PPARGC1A: variants seen among roughly 807,000 people sequenced by gnomAD.
The protein encoded by PPARGC1A is peroxisome proliferator-activated receptor gamma coactivator 1-alpha.
A neutral mutation model predicts 88.7 loss-of-function variants in PPARGC1A; 25 were observed. That is an observed-to-expected ratio of 0.28 (90% CI 0.21 to 0.39). PPARGC1A has a LOEUF of 0.39. Among genes scored for constraint, PPARGC1A ranks in the 10% least tolerant of loss-of-function variants. The probability of loss-of-function intolerance (pLI) is 1.00; values close to 1 mark genes in which losing one functional copy is unlikely to be tolerated. For synonymous variants in PPARGC1A, 363 were observed against 355.6 expected, an observed-to-expected ratio of 1.02 and a Z score of -0.24; for missense variants, 880 against 968.7, an observed-to-expected ratio of 0.91 and a Z score of 1.22.
chr4:23,826,380 C>CA (rs1723931397), intron 5 of PPARGC1A, among the ~76,000 whole-genome samples: 2 of 152,050 alleles, frequency 1.3e-5, no homozygotes, highest in African/African-American at 4.8e-5. Flanking sequence ...GTGTCTTTTT[C>CA]ATGTAGATTG....
At chr4:24,170,941 A>T in the PPARGC1A span, among the ~76,000 whole-genome samples, 1 of 151,230 alleles carries the variant, frequency 6.6e-6, no homozygotes, top group Non-Finnish European at 1.5e-5. Flanking sequence ...CAACCATCTG[A>T]CCCCCTGGCT....
the PPARGC1A span, among the ~76,000 whole-genome samples, chr4:24,442,774 T>C: frequency 6.6e-6 from 1 of 152,202 alleles, no homozygotes; most frequent in Non-Finnish European, 1.5e-5. Flanking sequence ...GTATGCTAAA[T>C]CTACGGCACA....
At chr4:24,006,710 T>C in the PPARGC1A span, among the ~76,000 whole-genome samples, 2 of 152,178 alleles carry the variant, frequency 1.3e-5, no homozygotes, top group African/African-American at 4.8e-5. Flanking sequence ...ATATGCCCAA[T>C]TGCTTGAAAA....
chr4:24,202,598 C>T, the PPARGC1A span, among the ~76,000 whole-genome samples: 1 of 152,160 alleles, frequency 6.6e-6, no homozygotes, highest in Non-Finnish European at 1.5e-5. Context: ...TATATCAAAG[C>T]ATTGTGGCAA....
chr4:24,464,839 C>A, the PPARGC1A span, among the ~76,000 whole-genome samples: 1 of 152,206 alleles, frequency 6.6e-6, no homozygotes, highest in African/African-American at 2.4e-5. Context: ...TCCTCCCCTC[C>A]ACCGCATGTT....
chr4:24,147,868 C>T, the PPARGC1A span, among the ~76,000 whole-genome samples: 30 of 152,048 alleles, frequency 2.0e-4, no homozygotes, highest in African/African-American at 6.0e-4. Flanking sequence ...CACTTGAGCC[C>T]GGGAGGCAGA....
At chr4:24,442,488 T>A in the PPARGC1A span, among the ~76,000 whole-genome samples, 7 of 152,204 alleles carry the variant, frequency 4.6e-5, no homozygotes, top group Non-Finnish European at 7.3e-5. Context: ...CCCAGATAAA[T>A]TTAAGATCAT....
chr4:23,802,740 C>T (rs77189903), intron 10 of PPARGC1A, among the ~76,000 whole-genome samples: 339 of 146,064 alleles, frequency 2.3e-3, no homozygotes, highest in African/African-American at 8.0e-3. Context: ...TACAATCATG[C>T]ATAAGAAACC....
chr4:24,448,241 G>A, the PPARGC1A span, among the ~76,000 whole-genome samples: 7 of 152,200 alleles, frequency 4.6e-5, no homozygotes, highest in Non-Finnish European at 1.0e-4. Flanking sequence ...AGGAGCCCAC[G>A]TCAGATTGAT....
At chr4:24,274,815 T>G in the PPARGC1A span, among the ~76,000 whole-genome samples, 1 of 152,196 alleles carries the variant, frequency 6.6e-6, no homozygotes, top group African/African-American at 2.4e-5. Context: ...TCTACATTTT[T>G]TTTTAAATTA....
At chr4:24,035,720 G>A in the PPARGC1A span, among the ~76,000 whole-genome samples, 1 of 152,008 alleles carries the variant, frequency 6.6e-6, no homozygotes, top group East Asian at 1.9e-4. Context: ...TTTTCTTTGG[G>A]AGTTATAGAT....
the PPARGC1A span, among the ~76,000 whole-genome samples, chr4:24,122,992 G>A: frequency 1.3e-5 from 2 of 152,020 alleles, no homozygotes; most frequent in Admixed American, 1.3e-4. Context: ...TCTCAAATGG[G>A]GAAGGCTAAA....
chr4:24,270,428 A>G, the PPARGC1A span, among the ~76,000 whole-genome samples: 3 of 152,224 alleles, frequency 2.0e-5, no homozygotes, highest in Admixed American at 6.5e-5. Context: ...AAAAAGAACC[A>G]GCATATACAT....
the PPARGC1A span, among the ~76,000 whole-genome samples, chr4:23,920,218 C>G: frequency 1.3e-5 from 2 of 152,074 alleles, no homozygotes; most frequent in African/African-American, 2.4e-5. Flanking sequence ...ATAAATATAA[C>G]AGTATGGGTT....
At chr4:23,898,514 G>T (rs1337741391) in intron 1 of PPARGC1A, among the ~76,000 whole-genome samples, 1 of 152,302 alleles carries the variant, frequency 6.6e-6, no homozygotes, top group Admixed American at 6.5e-5. Flanking sequence ...CCTCAGTCAG[G>T]ACAATGCCTT....
chr4:23,798,476 G>A (rs960039805), intron 12 of PPARGC1A, among the ~76,000 whole-genome samples: 13 of 152,082 alleles, frequency 8.5e-5, no homozygotes, highest in African/African-American at 2.9e-4. Flanking sequence ...ATGTGGGAAC[G>A]ATTTATCAAT....
the PPARGC1A span, among the ~76,000 whole-genome samples, chr4:24,415,024 T>C: frequency 6.6e-6 from 1 of 152,056 alleles, no homozygotes; most frequent in Non-Finnish European, 1.5e-5. Flanking sequence ...ACCCCGTCTC[T>C]ACTAAAAATA....
intron 7 of PPARGC1A, among the ~76,000 whole-genome samples, chr4:23,823,528 G>T (rs183038450): frequency 3.3e-5 from 5 of 152,116 alleles, no homozygotes; most frequent in Admixed American, 2.6e-4. Flanking sequence ...GGTCAGATAA[G>T]AAGGCCTCTA....
the PPARGC1A span, among the ~76,000 whole-genome samples, chr4:24,112,061 G>A: frequency 2.0e-5 from 3 of 152,292 alleles, no homozygotes; most frequent in South Asian, 6.2e-4. Context: ...TTGCTCTGAG[G>A]AAAGATTAGA....
Sources: gnomAD v4.1 joint callset for allele counts (sites outside exome capture counted in the v4.1 genomes callset) on GRCh38, gnomAD v4.1.1 for gene constraint, MANE v1.5 for transcripts, NCBI Gene and HGNC (gene_info 2026-07-23, HGNC 2026-07-21) for gene names.